Variants in PRELID2 observed in about 807,000 individuals in gnomAD.
PRELID2 encodes PRELI domain-containing protein 2.
A neutral mutation model predicts 28.4 loss-of-function variants in PRELID2; 25 were observed. The observed-to-expected ratio is 0.88, with a 90% confidence interval of 0.64 to 1.23. The LOEUF is 1.23. Ranked by LOEUF, PRELID2 falls within the 50% of genes most tolerant of loss-of-function variation. The probability of loss-of-function intolerance (pLI) is 0.00; values close to 1 mark genes in which losing one functional copy is unlikely to be tolerated. For missense variants in PRELID2, 201 were observed against 214.4 expected, an observed-to-expected ratio of 0.94 and a Z score of 0.39; for synonymous variants, 76 against 71.6, an observed-to-expected ratio of 1.06 and a Z score of -0.31.
At chr5:145,492,256 T>A (rs1020729737) in intron 1 of PRELID2, among the ~76,000 whole-genome samples, 2 of 152,218 alleles carry the variant, frequency 1.3e-5, no homozygotes, top group Admixed American at 6.5e-5. Context: ...AGTTTTGATT[T>A]GCAATCCCCT....
At chr5:145,646,921 C>T (rs184313495) in intron 1 of PRELID2, among the ~76,000 whole-genome samples, 11 of 152,174 alleles carry the variant, frequency 7.2e-5, no homozygotes, top group Non-Finnish European at 1.3e-4. Context: ...TGCCAGATGC[C>T]GGCCAGAGCT....
At chr5:145,709,278 T>G (rs1179226324) in intron 1 of PRELID2, among the ~76,000 whole-genome samples, 1 of 152,210 alleles carries the variant, frequency 6.6e-6, no homozygotes, top group Non-Finnish European at 1.5e-5. Flanking sequence ...AAGGGACCCA[T>G]AGCCACAATC....
chr5:145,377,704 T>C, the PRELID2 span, among the ~76,000 whole-genome samples: 1 of 152,278 alleles, frequency 6.6e-6, no homozygotes, highest in African/African-American at 2.4e-5. Flanking sequence ...TCTTGGTAAA[T>C]TTTTCTCCAT....
At chr5:145,270,509 T>C in the PRELID2 span, among the ~76,000 whole-genome samples, 1 of 152,128 alleles carries the variant, frequency 6.6e-6, no homozygotes, top group Non-Finnish European at 1.5e-5. Flanking sequence ...ATTTATACAA[T>C]GTTCTCAAAA....
intron 1 of PRELID2, among the ~76,000 whole-genome samples, chr5:145,696,230 T>C (rs910881424): frequency 1.3e-5 from 2 of 149,758 alleles, no homozygotes; most frequent in African/African-American, 4.9e-5. Flanking sequence ...CAGCCACTTC[T>C]GTGCCTCTCC....
At chr5:145,337,258 GATC>G in the PRELID2 span, among the ~76,000 whole-genome samples, 3 of 151,718 alleles carry the variant, frequency 2.0e-5, no homozygotes, top group Non-Finnish European at 4.4e-5. Flanking sequence ...CAATAGAAAA[GATC>G]ATCAAAACTG....
the PRELID2 span, among the ~76,000 whole-genome samples, chr5:145,432,941 G>C: frequency 2.4e-4 from 36 of 152,096 alleles, no homozygotes; most frequent in Non-Finnish European, 4.7e-4. Context: ...ATCTTCAATT[G>C]GTAGCCTGAC....
chr5:145,250,095 A>G, the PRELID2 span, among the ~76,000 whole-genome samples: 2 of 152,116 alleles, frequency 1.3e-5, no homozygotes, highest in Non-Finnish European at 2.9e-5. Context: ...TGTAACATAC[A>G]GTTTGGGAAG....
intron 1 of PRELID2, among the ~76,000 whole-genome samples, chr5:145,710,659 G>A (rs1200221841): frequency 6.6e-6 from 1 of 152,228 alleles, no homozygotes; most frequent in East Asian, 1.9e-4. Context: ...CCAGGGCTCA[G>A]ACACTTTTGT....
chr5:145,441,541 T>C, the PRELID2 span, among the ~76,000 whole-genome samples: 1 of 152,132 alleles, frequency 6.6e-6, no homozygotes, highest in South Asian at 2.1e-4. Context: ...ATTGAAATTA[T>C]ATTATCATAA....
chr5:145,809,801 TAAA>T (rs957438738), intron 4 of PRELID2, among the ~76,000 whole-genome samples: 22 of 152,200 alleles, frequency 1.4e-4, no homozygotes, highest in African/African-American at 4.6e-4. Flanking sequence ...TTACTTAGCA[TAAA>T]AACACATATG....
intron 1 of PRELID2, among the ~76,000 whole-genome samples, chr5:145,727,679 C>T (rs186492630): frequency 8.5e-5 from 13 of 152,258 alleles, no homozygotes; most frequent in African/African-American, 3.1e-4. Flanking sequence ...CAATGGCCTT[C>T]AACTGTAAAT....
At chr5:145,531,356 T>C (rs555534362) in intron 1 of PRELID2, among the ~76,000 whole-genome samples, 6 of 152,284 alleles carry the variant, frequency 3.9e-5, no homozygotes, top group African/African-American at 1.4e-4. Flanking sequence ...TTTTGACAAG[T>C]GAGAGGTAAT....
At chr5:145,390,946 A>G in the PRELID2 span, among the ~76,000 whole-genome samples, 2 of 152,230 alleles carry the variant, frequency 1.3e-5, no homozygotes. Flanking sequence ...CTTAAACCTT[A>G]AAGTCCCAAA....
At chr5:145,444,230 C>T in the PRELID2 span, among the ~76,000 whole-genome samples, 2,983 of 152,022 alleles carry the variant, frequency 0.02, 38 homozygotes, top group Middle Eastern at 0.031. Context: ...AATTATTCTG[C>T]CCAAGAATTT....
At chr5:145,754,974 A>G (rs1757219260), downstream of PRELID2, among the ~76,000 whole-genome samples, 1 of 152,228 alleles carries the variant, frequency 6.6e-6, no homozygotes, top group East Asian at 1.9e-4. Flanking sequence ...ACACTCAATA[A>G]GTGTAAAAAT....
the PRELID2 span, among the ~76,000 whole-genome samples, chr5:145,355,691 A>T: frequency 9.7e-4 from 147 of 152,302 alleles, no homozygotes; most frequent in African/African-American, 3.3e-3. Context: ...GAGCAAAAAA[A>T]GCATGAGCTT....
chr5:145,727,523 C>T (rs1311102368), intron 1 of PRELID2, among the ~76,000 whole-genome samples: 2 of 152,122 alleles, frequency 1.3e-5, no homozygotes, highest in Admixed American at 6.6e-5. Flanking sequence ...TTCATAAAAC[C>T]ACCACAGCTA....
At chr5:145,255,178 T>A in the PRELID2 span, among the ~76,000 whole-genome samples, 2 of 151,978 alleles carry the variant, frequency 1.3e-5, no homozygotes, top group South Asian at 4.1e-4. Flanking sequence ...TTATGAAACA[T>A]TCAAAGATGC....
Sources: allele counts gnomAD v4.1 joint callset (sites outside exome capture counted in the v4.1 genomes callset), GRCh38; gene constraint gnomAD v4.1.1; transcripts MANE v1.5; gene names NCBI Gene and HGNC (gene_info 2026-07-23, HGNC 2026-07-21).